PTER: variants seen among roughly 807,000 people sequenced by gnomAD.
The protein encoded by PTER is phosphotriesterase related, also known as N-acetyltaurine hydrolase.
In PTER, 38 loss-of-function variants were observed where a neutral mutation model predicts 29.6. The ratio of observed to expected loss-of-function variants is 1.28; its 90% CI spans 0.99 to 1.68. The LOEUF is 1.68. Ranked by LOEUF, PTER falls within the 40% of genes most tolerant of loss-of-function variation. PTER has a pLI of 0.00. For missense variants in PTER, 482 were observed against 427.8 expected (o/e 1.13, Z -1.12); for synonymous variants, 172 against 154.5 (o/e 1.11, Z -0.84).
chr10:16,487,560 G>T (rs750653424), intron 3 of PTER, among the ~76,000 whole-genome samples: 4 of 152,096 alleles, frequency 2.6e-5, no homozygotes, highest in Non-Finnish European at 2.9e-5. Flanking sequence ...CACTTTCAGA[G>T]GTTCCAAGAG....
chr10:16,510,493 T>A (rs190861778), intron 4 of PTER, among the ~76,000 whole-genome samples: 4 of 152,336 alleles, frequency 2.6e-5, no homozygotes, highest in Admixed American at 2.0e-4. Context: ...CTTTTTTCAG[T>A]GGCTTTGTAG....
At chr10:16,445,753 A>T (rs1175649322) in intron 1 of PTER, among the ~76,000 whole-genome samples, 1 of 152,122 alleles carries the variant, frequency 6.6e-6, no homozygotes, top group Non-Finnish European at 1.5e-5. Context: ...CTCTGAAAAC[A>T]TTCCCTGCTG....
At chr10:16,454,926 A>C (rs915205235) in intron 1 of PTER, among the ~76,000 whole-genome samples, 1 of 152,184 alleles carries the variant, frequency 6.6e-6, no homozygotes, top group Non-Finnish European at 1.5e-5. Flanking sequence ...TGTACGAAAT[A>C]AGTTACCTAA....
intron 3 of PTER, among the ~76,000 whole-genome samples, chr10:16,487,406 C>G (rs562903278): frequency 6.6e-6 from 1 of 152,298 alleles, no homozygotes; most frequent in South Asian, 2.1e-4. Flanking sequence ...TTCGCATAGC[C>G]TTTTCCTCAC....
At chr10:16,485,935 A>G (rs975517116) in intron 2 of PTER, among the ~76,000 whole-genome samples, 3 of 152,180 alleles carry the variant, frequency 2.0e-5, no homozygotes, top group Non-Finnish European at 2.9e-5. Flanking sequence ...GCTTCTTTAA[A>G]AAAAACAAAG....
chr10:16,509,738 G>C (rs1465162680), intron 4 of PTER, among the ~76,000 whole-genome samples: 1 of 152,154 alleles, frequency 6.6e-6, no homozygotes, highest in East Asian at 1.9e-4. Context: ...CTTCAGGATA[G>C]TATACAAATT....
At chr10:16,509,401 A>G (rs1391943806) in intron 4 of PTER, among the ~76,000 whole-genome samples, 1 of 152,206 alleles carries the variant, frequency 6.6e-6, no homozygotes, top group Non-Finnish European at 1.5e-5. Context: ...ATTTGATAAC[A>G]TTGTGTTTCA....
downstream of PTER, chr10:16,514,377 T>C (rs1167996611): frequency 7.8e-6 from 5 of 639,136 alleles, no homozygotes; most frequent in Non-Finnish European, 1.4e-5. Context: ...TTCTGAGTGA[T>C]ACAGATGTGA....
intron 3 of PTER, among the ~76,000 whole-genome samples, chr10:16,488,444 C>T (rs1459266794): frequency 1.3e-5 from 2 of 152,138 alleles, no homozygotes; most frequent in Non-Finnish European, 2.9e-5. Flanking sequence ...ATGTATTACA[C>T]TAATACTTTT....
At chr10:16,498,405 G>A (rs1217227169) in intron 3 of PTER, among the ~76,000 whole-genome samples, 3 of 152,122 alleles carry the variant, frequency 2.0e-5, no homozygotes, top group Admixed American at 6.5e-5. Context: ...CCAACATGGC[G>A]AAACCCTATC....
At chr10:16,478,528 T>C (rs1835363063) in intron 1 of PTER, among the ~76,000 whole-genome samples, 2 of 152,044 alleles carry the variant, frequency 1.3e-5, no homozygotes, top group Admixed American at 1.3e-4. Context: ...GAGACGGGGT[T>C]TTACTATGTT....
intron 1 of PTER, among the ~76,000 whole-genome samples, chr10:16,448,409 A>G (rs1834090272): frequency 6.6e-6 from 1 of 152,204 alleles, no homozygotes; most frequent in South Asian, 2.1e-4. Flanking sequence ...TAACACACGC[A>G]AATGAGGAAC....
intron 1 of PTER, among the ~76,000 whole-genome samples, chr10:16,439,118 T>A (rs1046788781): frequency 6.6e-6 from 1 of 151,424 alleles, no homozygotes; most frequent in Non-Finnish European, 1.5e-5. Flanking sequence ...CTGCTGAAAT[T>A]ACAAGGTAGT....
At chr10:16,490,009 G>T (rs910992564) in intron 3 of PTER, among the ~76,000 whole-genome samples, 1 of 152,054 alleles carries the variant, frequency 6.6e-6, no homozygotes, top group Non-Finnish European at 1.5e-5. Flanking sequence ...ACTTAAGATG[G>T]GTTATGTTCC....
At chr10:16,514,123 G>A (rs1836910429), downstream of PTER, 1 of 394,670 alleles carries the variant, frequency 2.5e-6, no homozygotes, top group Non-Finnish European at 4.5e-6. Flanking sequence ...TGGACTCCAA[G>A]TATCATAATA....
chr10:16,495,433 G>A (rs1351462462), intron 3 of PTER, among the ~76,000 whole-genome samples: 6 of 152,190 alleles, frequency 3.9e-5, no homozygotes, highest in African/African-American at 4.8e-5. Context: ...GCCTCCCAAA[G>A]TGCTGGGAGT....
chr10:16,476,670 C>T lies in PTER; in HGVS notation c.-48-7667C>T, dbSNP rs566554145. ...AGCCTCAGCCTCAACCTCGCAGGTT[C>T]AAGTGATCCTCCCACCTCAGCCTCC... On this transcript the variant is annotated intron_variant, in intron 1 of 4. Coordinates refer to ENST00000535784, the MANE Select transcript of PTER (RefSeq NM_001261836.2). Among the ~76,000 whole-genome samples, 3 of 151,414 alleles carry T rather than the reference C, an allele frequency of 2.0e-5. No individual in the cohort carries two copies. In the South Asian group the frequency reaches 6.3e-4, roughly 32 times the overall value.
intron 1 of PTER, among the ~76,000 whole-genome samples, chr10:16,473,087 T>G (rs1181396175): frequency 6.6e-6 from 1 of 152,168 alleles, no homozygotes; most frequent in Non-Finnish European, 1.5e-5. Context: ...TTATTCACTT[T>G]GGAATAAACC....
intron 4 of PTER, among the ~76,000 whole-genome samples, chr10:16,508,373 A>G (rs973374237): frequency 6.6e-6 from 1 of 151,872 alleles, no homozygotes; most frequent in South Asian, 2.1e-4. Context: ...CGGCCTCAAC[A>G]CATGTTTTCT....
Sources: gnomAD v4.1 joint callset for allele counts (sites outside exome capture counted in the v4.1 genomes callset) on GRCh38, gnomAD v4.1.1 for gene constraint, MANE v1.5 for transcripts, NCBI Gene and HGNC (gene_info 2026-07-23, HGNC 2026-07-21) for gene names.